The following CDC14A variants were observed in gnomAD, a reference collection of about 807,000 sequenced individuals.
CDC14A encodes the protein dual specificity protein phosphatase CDC14A.
CDC14A carries 53 observed loss-of-function variants against 74.4 expected under a neutral mutation model. That is an observed-to-expected ratio of 0.71 (90% CI 0.57 to 0.89). The LOEUF (loss-of-function observed/expected upper bound fraction) is 0.89, where lower values mean the gene tolerates loss of function less well. Among genes scored for constraint, CDC14A ranks in the 40% least tolerant of loss-of-function variants. The pLI is 0.00. For synonymous variants in CDC14A, 247 were observed against 258.4 expected (o/e 0.96, Z 0.43); for missense variants, 646 against 713.7 (o/e 0.91, Z 1.08).
At chr1:100,397,714 G>A (rs1658703613) in intron 4 of CDC14A, among the ~76,000 whole-genome samples, 1 of 152,174 alleles carries the variant, frequency 6.6e-6, no homozygotes, top group Admixed American at 6.5e-5. Flanking sequence ...TGTGGAGGAT[G>A]CTTAAACAGA....
At chr1:100,451,333 G>A (rs1208048859) in intron 7 of CDC14A, among the ~76,000 whole-genome samples, 1 of 152,148 alleles carries the variant, frequency 6.6e-6, no homozygotes, top group Non-Finnish European at 1.5e-5. Flanking sequence ...TCTCCCTGCT[G>A]TAGCTGATGC....
chr1:100,471,930 TAAC>T (rs1224935189), intron 10 of CDC14A, among the ~76,000 whole-genome samples: 2 of 152,148 alleles, frequency 1.3e-5, no homozygotes, highest in Non-Finnish European at 2.9e-5. Flanking sequence ...ACTTTGAAGT[TAAC>T]AAAGATATCT....
intron 3 of CDC14A, among the ~76,000 whole-genome samples, chr1:100,390,067 T>C (rs1483095605): frequency 6.6e-6 from 1 of 152,242 alleles, no homozygotes; most frequent in African/African-American, 2.4e-5. Flanking sequence ...CTTAGTTAAA[T>C]ACTTGAGCAT....
At chr1:100,425,909 G>T (rs374437779) in intron 5 of CDC14A, among the ~76,000 whole-genome samples, 2 of 152,048 alleles carry the variant, frequency 1.3e-5, no homozygotes, top group East Asian at 3.9e-4. Flanking sequence ...GCAGTTTGAA[G>T]CCTCATTCTG....
chr1:100,383,117 G>T (rs1212984350), intron 3 of CDC14A, among the ~76,000 whole-genome samples: 2 of 152,104 alleles, frequency 1.3e-5, no homozygotes, highest in Admixed American at 6.5e-5. Flanking sequence ...GAGGTTCTAG[G>T]GGCTCCAAAG....
In CDC14A at chr1:100,371,486, G is replaced by GT. The variant is rs151128915; in HGVS notation, c.141-6058dup. Among the ~76,000 whole-genome samples the GT allele has an allele frequency of 5.5e-4, 84 of 152,250 alleles. No homozygotes were observed. The East Asian group carries it at 0.016, about 28-fold the overall frequency. ...GGTATGTTCCTTTGATGCCCAGTTT[G>GT]TTAAGGATTTTTACCATGAACGGAT... On this transcript the variant is annotated intron_variant, in intron 2 of 15. Transcript: ENST00000336454.
At chr1:100,398,176 C>T (rs1322745730) in intron 4 of CDC14A, among the ~76,000 whole-genome samples, 2 of 152,114 alleles carry the variant, frequency 1.3e-5, no homozygotes, top group African/African-American at 2.4e-5. Flanking sequence ...AAGGTGTCAT[C>T]GGTGCAGTGT....
intron 1 of CDC14A, among the ~76,000 whole-genome samples, chr1:100,353,264 G>A (rs917682594): frequency 1.3e-5 from 2 of 152,176 alleles, no homozygotes; most frequent in Non-Finnish European, 2.9e-5. Flanking sequence ...CCCGTACTCC[G>A]GCACTCAGCA....
Position 100,508,064 on chromosome 1 carries a change from T to A in CDC14A, c.1755+8802T>A, listed in dbSNP as rs1649393626. On this transcript the variant is annotated intron_variant, in intron 15 of 15. Coordinates refer to ENST00000336454, the MANE Select transcript of CDC14A (RefSeq NM_003672.4). This position sits in a 1 kb window ranked among gnomAD's most constrained non-coding sequence, Gnocchi z 4.4. ...GTTTTATATTTTTCAGTTCCTAAGC[T>A]CTAGCTGTATTCTGATTGAATTCCT... Among the ~76,000 whole-genome samples the A allele has an allele frequency of 6.6e-6, 1 of 152,160 alleles. No homozygotes were observed. The highest frequency in any genetic ancestry group is 2.4e-5 in the African/African-American group (1 of 41,436).
intron 5 of CDC14A, among the ~76,000 whole-genome samples, chr1:100,435,611 C>A (rs1220225309): frequency 6.6e-6 from 1 of 152,014 alleles, no homozygotes; most frequent in Non-Finnish European, 1.5e-5. Flanking sequence ...GGCGGATCGC[C>A]TGAGGTCAGG....
At chr1:100,510,772 T>G (rs1394408613) in intron 15 of CDC14A, among the ~76,000 whole-genome samples, 2 of 152,206 alleles carry the variant, frequency 1.3e-5, no homozygotes, top group Admixed American at 1.3e-4. Context: ...CCATCTCAAA[T>G]GTGTTTCTAA....
intron 2 of CDC14A, among the ~76,000 whole-genome samples, chr1:100,357,348 A>C (rs1293671130): frequency 6.6e-6 from 1 of 152,154 alleles, no homozygotes; most frequent in Non-Finnish European, 1.5e-5. Flanking sequence ...AGAGGTGGAC[A>C]AACACTGAAG....
At chr1:100,405,150 T>G (rs1659779888) in intron 4 of CDC14A, among the ~76,000 whole-genome samples, 1 of 152,176 alleles carries the variant, frequency 6.6e-6, no homozygotes, top group Non-Finnish European at 1.5e-5. Context: ...TTCCTGATGT[T>G]TTCTCCCTAG....
At chr1:100,420,033 C>T (rs77253657) in intron 4 of CDC14A, among the ~76,000 whole-genome samples, 14,543 of 37,198 alleles carry the variant, frequency 0.39, 1,475 homozygotes, top group East Asian at 0.47. Flanking sequence ...TACATATATA[C>T]ACACACACAC....
At chr1:100,398,715 TAA>T (rs2101007624) in intron 4 of CDC14A, among the ~76,000 whole-genome samples, 1 of 152,314 alleles carries the variant, frequency 6.6e-6, no homozygotes, top group Non-Finnish European at 1.5e-5. Context: ...TACAATTGGG[TAA>T]ATATGAATTT....
chr1:100,352,068 T>G (rs987745190), upstream of CDC14A, among the ~76,000 whole-genome samples: 1 of 146,760 alleles, frequency 6.8e-6, no homozygotes, highest in African/African-American at 2.5e-5. Context: ...AGAAAGAGAA[T>G]GAGAGAGAGA....
At position 100,508,012 on chromosome 1, in the gene CDC14A, A is replaced by G. The variant is rs1487437999; in HGVS notation, c.1755+8750A>G. ...CCCAAACTTATATTGGAGACTTTCA[A>G]TCTGTCCTCAATATATCTTACCTTC... On this transcript the variant is annotated intron_variant, in intron 15 of 15. Transcript: ENST00000336454. This position sits in a 1 kb window ranked among gnomAD's most constrained non-coding sequence, Gnocchi z 4.4. Among the ~76,000 whole-genome samples, 1 of 152,128 alleles carries G rather than the reference A, an allele frequency of 6.6e-6. No homozygotes were observed. The highest frequency in any genetic ancestry group is 1.9e-4 in the East Asian group (1 of 5,198).
chr1:100,425,673 G>A (rs1055871000), intron 5 of CDC14A, among the ~76,000 whole-genome samples: 2 of 152,172 alleles, frequency 1.3e-5, no homozygotes. Context: ...AGAGTCTGAG[G>A]TAATCAGCCG....
At chr1:100,403,362 T>C (rs1303169973) in intron 4 of CDC14A, among the ~76,000 whole-genome samples, 2 of 152,256 alleles carry the variant, frequency 1.3e-5, no homozygotes, top group Non-Finnish European at 2.9e-5. Context: ...GGTTGTAACC[T>C]GCAGACTGCA....
Sources: gnomAD v4.1 joint callset for allele counts (sites outside exome capture counted in the v4.1 genomes callset) on GRCh38, gnomAD v4.1.1 for gene constraint, Gnocchi (gnomAD v3.1) non-coding constraint, MANE v1.5 for transcripts, NCBI Gene and HGNC (gene_info 2026-07-23, HGNC 2026-07-21) for gene names.